MSRA: variants seen among roughly 807,000 people sequenced by gnomAD.
MSRA encodes the protein mitochondrial peptide methionine sulfoxide reductase.
A neutral mutation model predicts 31.3 loss-of-function variants in MSRA; 54 were observed. The observed-to-expected ratio is 1.73, with a 90% CI of 1.39 to 2.17. The LOEUF is 2.17. Among genes scored for constraint, MSRA ranks in the 30% most tolerant of loss-of-function variants. The probability of loss-of-function intolerance (pLI) is 0.00; values close to 1 mark genes in which losing one functional copy is unlikely to be tolerated. For missense variants in MSRA, 507 were observed against 300.9 expected, an observed-to-expected ratio of 1.69 and a Z score of -5.07; for synonymous variants, 169 against 116.5, an observed-to-expected ratio of 1.45 and a Z score of -2.90.
At chr8:10,215,453 C>A (rs1257861093) in intron 2 of MSRA, among the ~76,000 whole-genome samples, 3 of 152,238 alleles carry the variant, frequency 2.0e-5, no homozygotes, top group Admixed American at 6.5e-5. Flanking sequence ...TGCTCCCTGG[C>A]AGACCACCTG....
intron 5 of MSRA, among the ~76,000 whole-genome samples, chr8:10,396,977 G>A (rs886476654): frequency 1.3e-5 from 2 of 152,190 alleles, no homozygotes; most frequent in Admixed American, 1.3e-4. Context: ...GTGTCGCTGA[G>A]TACCAGACTC....
At position 10,279,948 on chromosome 8, in the gene MSRA, A is replaced by T. The variant is rs183579440; in HGVS notation, c.332-21586A>T. On this transcript the variant is annotated intron_variant, in intron 3 of 5. Coordinates refer to ENST00000317173, the MANE Select transcript of MSRA (RefSeq NM_012331.5). ...TATTCTGTTGAATTTACCTCTAAAG[A>T]CAACTAGGCCTGATATTTTCCTTTT... 3.9e-5 allele frequency among the ~76,000 whole-genome samples: 6 copies of T among 152,242 alleles called. 1 individual carries two copies. The highest frequency in any genetic ancestry group is 8.8e-5 in the Non-Finnish European group (6 of 68,036).
intron 1 of MSRA, among the ~76,000 whole-genome samples, chr8:10,115,516 A>G (rs1478116591): frequency 6.6e-6 from 1 of 152,210 alleles, no homozygotes; most frequent in African/African-American, 2.4e-5. Context: ...GAGAAAATCA[A>G]TTTCTGTGTC....
At chr8:10,274,541 A>T (rs1799218101) in intron 3 of MSRA, among the ~76,000 whole-genome samples, 1 of 152,158 alleles carries the variant, frequency 6.6e-6, no homozygotes. Context: ...GGTCCATTCC[A>T]ATCTGGAGAA....
chr8:10,272,563 T>C (rs149950237), intron 3 of MSRA, among the ~76,000 whole-genome samples: 236 of 152,326 alleles, frequency 1.5e-3, no homozygotes, highest in Non-Finnish European at 2.4e-3. Flanking sequence ...CGGATTCAAA[T>C]GCTAATGTCA....
intron 3 of MSRA, among the ~76,000 whole-genome samples, chr8:10,279,508 C>T (rs189080325): frequency 2.0e-5 from 3 of 152,300 alleles, no homozygotes; most frequent in East Asian, 3.9e-4. Context: ...TCCTCCCACC[C>T]TACCCCCCAC....
intron 2 of MSRA, among the ~76,000 whole-genome samples, chr8:10,221,436 G>GTATA (rs201045996): frequency 0.014 from 1,961 of 138,824 alleles, 12 homozygotes; most frequent in Middle Eastern, 0.022. Context: ...GTATATATGT[G>GTATA]TATATATACA....
intron 1 of MSRA, among the ~76,000 whole-genome samples, chr8:10,118,957 G>A (rs528181449): frequency 1.3e-5 from 2 of 152,280 alleles, no homozygotes; most frequent in Admixed American, 1.3e-4. Context: ...GCCCGGGCTG[G>A]TCTGGTCCCC....
At chr8:10,154,683 G>C (rs1205873074) in intron 1 of MSRA, among the ~76,000 whole-genome samples, 1 of 151,944 alleles carries the variant, frequency 6.6e-6, no homozygotes, top group Non-Finnish European at 1.5e-5. Flanking sequence ...AGCCAGGTTT[G>C]TGTTTTATAG....
At chr8:10,226,661 C>T (rs1386380642) in intron 2 of MSRA, among the ~76,000 whole-genome samples, 5 of 152,300 alleles carry the variant, frequency 3.3e-5, no homozygotes, top group South Asian at 2.1e-4. Context: ...GATGCCTCTT[C>T]GGCAAACTGG....
At position 10,341,725 on chromosome 8, in the gene MSRA, C is replaced by T. The variant is rs574443228; in HGVS notation, c.543+21736C>T. On this transcript the variant is annotated intron_variant, in intron 5 of 5. Coordinates refer to ENST00000317173, the MANE Select transcript of MSRA (RefSeq NM_012331.5). Reference sequence around the variant, plus strand: ...ATAAAATGTAGCTAATCATATGAACCTCGGAGGTTGATGGTGTGACGTAAG... The same window carrying T: ...ATAAAATGTAGCTAATCATATGAACTTCGGAGGTTGATGGTGTGACGTAAG... Among the ~76,000 whole-genome samples the T allele has an allele frequency of 2.6e-5, 4 of 152,236 alleles. No individual in the cohort carries two copies. The South Asian group carries it at 8.3e-4, about 32-fold the overall frequency.
intron 2 of MSRA, 106 bp from the exon 3 acceptor site, chr8:10,244,997 AG>A (rs1289227767): frequency 1.1e-5 from 11 of 981,292 alleles, no homozygotes; most frequent in Non-Finnish European, 1.4e-5. Context: ...ATCAAATGAC[AG>A]GAGCAACTTT....
At chr8:10,067,997 C>T (rs934433219) in intron 1 of MSRA, among the ~76,000 whole-genome samples, 8 of 147,610 alleles carry the variant, frequency 5.4e-5, no homozygotes, top group South Asian at 4.3e-4. Flanking sequence ...GATACTCATG[C>T]GTCAGCTTCC....
intron 1 of MSRA, among the ~76,000 whole-genome samples, chr8:10,154,067 G>A (rs1803943832): frequency 6.6e-6 from 1 of 152,220 alleles, no homozygotes; most frequent in African/African-American, 2.4e-5. Context: ...TAGCAGTGGA[G>A]AAGAGGAAAT....
intron 2 of MSRA, among the ~76,000 whole-genome samples, chr8:10,226,791 G>T (rs901803647): frequency 1.3e-5 from 2 of 152,134 alleles, no homozygotes; most frequent in Admixed American, 6.5e-5. Flanking sequence ...GTGCATATTT[G>T]TCAGGTCCTG....
intron 1 of MSRA, among the ~76,000 whole-genome samples, chr8:10,139,478 C>T (rs1802522398): frequency 6.6e-6 from 1 of 152,196 alleles, no homozygotes; most frequent in African/African-American, 2.4e-5. Context: ...GTCACCCAAA[C>T]AGTGTGCATT....
intron 5 of MSRA, among the ~76,000 whole-genome samples, chr8:10,401,662 C>T (rs1397293658): frequency 7.1e-6 from 1 of 140,558 alleles, no homozygotes; most frequent in Non-Finnish European, 1.5e-5. Flanking sequence ...AACTTAAGTG[C>T]CCGTCATCAG....
intron 1 of MSRA, among the ~76,000 whole-genome samples, chr8:10,198,205 A>C (rs1370171438): frequency 6.6e-6 from 1 of 152,212 alleles, no homozygotes; most frequent in African/African-American, 2.4e-5. Context: ...AGAAGGAAGC[A>C]AAATCACCCA....
chr8:10,177,120 C>A (rs1278838998), intron 1 of MSRA, among the ~76,000 whole-genome samples: 2 of 152,154 alleles, frequency 1.3e-5, no homozygotes, highest in African/African-American at 4.8e-5. Flanking sequence ...TGTATCTTTG[C>A]AAATGGTAGA....
Sources: gnomAD v4.1 joint callset for allele counts (sites outside exome capture counted in the v4.1 genomes callset) on GRCh38, gnomAD v4.1.1 for gene constraint, MANE v1.5 for transcripts, NCBI Gene and HGNC (gene_info 2026-07-23, HGNC 2026-07-21) for gene names.